SPAG9: variants seen among roughly 807,000 people sequenced by gnomAD.
SPAG9 encodes C-Jun-amino-terminal kinase-interacting protein 4.
SPAG9 carries 35 observed loss-of-function variants against 166.5 expected under a neutral mutation model. The ratio of observed to expected loss-of-function variants is 0.21; its 90% CI spans 0.16 to 0.28. The LOEUF (loss-of-function observed/expected upper bound fraction) is 0.28, where lower values mean the gene tolerates loss of function less well. Among genes scored for constraint, SPAG9 ranks in the 10% least tolerant of loss-of-function variants. The pLI, the probability that SPAG9 is intolerant of heterozygous loss-of-function variation, is 1.00. For synonymous variants in SPAG9, 534 were observed against 565.5 expected (o/e 0.94, Z 0.79); for missense variants, 1,235 against 1,603.3 (o/e 0.77, Z 3.92).
At chr17:51,103,046 G>A (rs1216725475) in intron 1 of SPAG9, among the ~76,000 whole-genome samples, 1 of 152,104 alleles carries the variant, frequency 6.6e-6, no homozygotes, top group Non-Finnish European at 1.5e-5. Flanking sequence ...TCTGAAATAA[G>A]TCTGAAATAA....
chr17:51,020,704 A>T (rs892361768), intron 7 of SPAG9, among the ~76,000 whole-genome samples: 1 of 152,190 alleles, frequency 6.6e-6, no homozygotes, highest in African/African-American at 2.4e-5. Flanking sequence ...TTTACAATTG[A>T]ATACAATTAA....
In SPAG9 at chr17:51,093,410, A is replaced by G. The variant is rs1043739537; in HGVS notation, c.304-13706T>C. ...TCAACAGACAGTGGATAAGAAAATTATAATAGATCTGGCCAGGCATGGTGG... is the reference window on the plus strand; with the variant it reads ...TCAACAGACAGTGGATAAGAAAATTGTAATAGATCTGGCCAGGCATGGTGG... On this transcript the variant is annotated intron_variant, in intron 1 of 29. Coordinates refer to ENST00000262013, the MANE Select transcript of SPAG9 (RefSeq NM_001130528.3). Among the ~76,000 whole-genome samples the G allele has an allele frequency of 2.6e-5, 4 of 152,052 alleles. No homozygotes were observed. The East Asian group carries it at 5.8e-4, about 22-fold the overall frequency.
In SPAG9 at chr17:51,033,562, G is replaced by T. The variant is rs75568939; in HGVS notation, c.742-1840C>A. On this transcript the variant is annotated intron_variant, in intron 5 of 29. Coordinates refer to ENST00000262013, the MANE Select transcript of SPAG9 (RefSeq NM_001130528.3). ...ACACAGGATCTTGCGATATTGCCCA[G>T]GCTGAAGTGCCGTGGCTATTCACAG... 9.0e-3 allele frequency among the ~76,000 whole-genome samples: 1,373 copies of T among 152,284 alleles called. 24 individuals carry two copies. Among genetic ancestry groups the T allele is most frequent in the African/African-American group, 0.032 (1,322 of 41,548 alleles).
At chr17:51,098,325 G>GA (rs1491240711) in intron 1 of SPAG9, among the ~76,000 whole-genome samples, 1 of 150,206 alleles carries the variant, frequency 6.7e-6, no homozygotes, top group Non-Finnish European at 1.5e-5. Flanking sequence ...ACAGTTCGTG[G>GA]TTTTTTTTTT....
chr17:50,970,492 GAC>G (rs1210148464), intron 29 of SPAG9, among the ~76,000 whole-genome samples: 1 of 136,922 alleles, frequency 7.3e-6, no homozygotes, highest in Non-Finnish European at 1.5e-5. Context: ...CAGCCTGGGT[GAC>G]AGAGTGAGAC....
chr17:51,023,299 T>C (rs1461382513), intron 6 of SPAG9: 1 of 154,216 alleles, frequency 6.5e-6, no homozygotes, highest in Non-Finnish European at 1.4e-5. Flanking sequence ...TTTTTATAAT[T>C]TATTAATTTA....
rs546604530 is a variant in SPAG9 at position 50,966,702 on chromosome 17, C to T, written c.3851-315G>A. Among the ~76,000 whole-genome samples, 10 of 152,296 alleles carry T rather than the reference C, an allele frequency of 6.6e-5. No individual in the cohort carries two copies. The South Asian group carries it at 2.1e-3, about 32-fold the overall frequency. The stretch of plus-strand genomic sequence containing the variant: ...GTCCAGACATGGGAAGCTAAGAAGG[C>T]AATTCTGTGTTCATCCAAAATGAAG... On this transcript the variant is annotated intron_variant, in intron 29 of 29. Transcript: ENST00000262013.
chr17:50,995,051 A>G lies in SPAG9; in HGVS notation c.2226+6T>C, dbSNP rs376252128. 4.4e-6 allele frequency: 7 copies of G among 1,609,050 alleles called. No homozygotes were observed. The highest frequency in any genetic ancestry group is 5.9e-6 in the Non-Finnish European group (7 of 1,176,936). ...AACCAGGTCAAATGTTAGTACACAC[A>G]CTTACCTTAAGTTCCTGATCTAACT... On this transcript the variant is annotated splice_donor_region_variant and intron_variant, in intron 18 of 29. Transcript: ENST00000262013.
intron 21 of SPAG9, among the ~76,000 whole-genome samples, chr17:50,989,218 A>G (rs1160661516): frequency 6.6e-6 from 1 of 152,232 alleles, no homozygotes; most frequent in Non-Finnish European, 1.5e-5. Flanking sequence ...TTACATACAC[A>G]AATACTTACC....
chr17:51,046,971 A>G (rs955114785), intron 4 of SPAG9: 3 of 1,387,974 alleles, frequency 2.2e-6, no homozygotes, highest in Non-Finnish European at 2.8e-6. Flanking sequence ...GAAGATCTAC[A>G]TAATTTATTC....
rs34917845 is a variant in SPAG9, at chr17:51,113,353, CAAAAAA to C, written c.303+6995_303+7000del. ...GGGCAACAAGTGTGAAATGCCATAT[CAAAAAA>C]AAAAAAAAAAAAGAAAGAAAAGAAA... On this transcript the variant is annotated intron_variant, in intron 1 of 29. Transcript: ENST00000262013. Among the ~76,000 whole-genome samples, 10 of 95,888 alleles carry C rather than the reference CAAAAAA, an allele frequency of 1.0e-4. No individual in the cohort carries two copies. The East Asian group carries it at 2.6e-3, about 25-fold the overall frequency. The allele number at this position is 95,888 out of a possible 152,430, so 62.9% of individuals were successfully genotyped here. A position where few individuals can be genotyped will look rare whatever the true frequency, so the allele number is the denominator to read the frequency against.
At chr17:51,115,301 G>A (rs2049252298) in intron 1 of SPAG9, among the ~76,000 whole-genome samples, 2 of 151,910 alleles carry the variant, frequency 1.3e-5, no homozygotes, top group Admixed American at 6.6e-5. Context: ...TGATCCTCCT[G>A]CCTTAGCCTC....
intron 19 of SPAG9, among the ~76,000 whole-genome samples, chr17:50,991,867 G>A (rs1004375207): frequency 7.7e-5 from 11 of 142,654 alleles, no homozygotes; most frequent in Admixed American, 2.2e-4. Flanking sequence ...CAGGTGATCC[G>A]CCCACCTCAG....
At chr17:51,040,869 A>G (rs2046812415) in intron 5 of SPAG9, among the ~76,000 whole-genome samples, 1 of 152,346 alleles carries the variant, frequency 6.6e-6, no homozygotes, top group Admixed American at 6.5e-5. Context: ...AATCAATATG[A>G]TGAATATTTC....
intron 27 of SPAG9, chr17:50,975,952 G>A: frequency 2.1e-6 from 3 of 1,398,532 alleles, no homozygotes; most frequent in Non-Finnish European, 2.0e-6. Context: ...TGACAGGGAG[G>A]AGAGAATTAC....
At chr17:51,078,417 C>T (rs762936337) in intron 2 of SPAG9, among the ~76,000 whole-genome samples, 2 of 152,140 alleles carry the variant, frequency 1.3e-5, no homozygotes, top group Non-Finnish European at 2.9e-5. Flanking sequence ...AGAGTGCTGG[C>T]GAAGGCATTC....
intron 29 of SPAG9, among the ~76,000 whole-genome samples, chr17:50,969,519 T>C (rs896532137): frequency 3.3e-5 from 5 of 152,108 alleles, no homozygotes; most frequent in African/African-American, 1.2e-4. Flanking sequence ...ACAACTCTAA[T>C]CACATTGCTC....
intron 1 of SPAG9, among the ~76,000 whole-genome samples, chr17:51,104,716 G>A (rs1463556468): frequency 2.0e-5 from 3 of 151,800 alleles, no homozygotes; most frequent in Non-Finnish European, 2.9e-5. Flanking sequence ...GGCGGATCAC[G>A]AGGTCAGGAG....
intron 1 of SPAG9, among the ~76,000 whole-genome samples, chr17:51,102,782 G>A (rs1227462125): frequency 6.6e-6 from 1 of 152,026 alleles, no homozygotes; most frequent in Admixed American, 6.6e-5. Context: ...GAGATTACAG[G>A]CATGAGCCAC....
Sources: allele counts gnomAD v4.1 joint callset (sites outside exome capture counted in the v4.1 genomes callset), GRCh38; gene constraint gnomAD v4.1.1; transcripts MANE v1.5; gene names NCBI Gene and HGNC (gene_info 2026-07-23, HGNC 2026-07-21).